TSHZ2: variants seen among roughly 807,000 people sequenced by gnomAD.
TSHZ2 encodes teashirt zinc finger homeobox 2.
Under a neutral mutation model 74.4 loss-of-function variants are expected in TSHZ2, and 21 were observed. That is an observed-to-expected ratio of 0.28 (90% CI 0.20 to 0.41). The LOEUF is 0.41. TSHZ2 is among the 10% of genes least tolerant of loss of function. The pLI is 1.00. For synonymous variants in TSHZ2, 540 were observed against 515.3 expected, an observed-to-expected ratio of 1.05 and a Z score of -0.65; for missense variants, 1,244 against 1,293.5, an observed-to-expected ratio of 0.96 and a Z score of 0.59.
chr20:53,415,824 A>ACACACG (rs1555860961), intron 2 of TSHZ2, among the ~76,000 whole-genome samples: 4 of 116,136 alleles, frequency 3.4e-5, no homozygotes, highest in Non-Finnish European at 4.9e-5. Flanking sequence ...ACACACACGC[A>ACACACG]CACACAGGCA....
At chr20:53,473,624 T>C (rs1287554108) in intron 2 of TSHZ2, among the ~76,000 whole-genome samples, 7 of 150,088 alleles carry the variant, frequency 4.7e-5, no homozygotes, top group Admixed American at 2.0e-4. Flanking sequence ...AGGAACGCAG[T>C]TCCTCACCAG....
In TSHZ2 at chr20:53,255,937, C is replaced by T. The variant is rs141638536; in HGVS notation, c.2479C>T (p.Arg827Cys). The T allele has an allele frequency of 2.2e-5, 36 of 1,614,154 alleles. No individual in the cohort carries two copies. The South Asian group carries it at 2.3e-4, about 10-fold the overall frequency. Residue 827 changes from arginine to cysteine, a missense_variant, in exon 2 of 3, where the codon CGC becomes TGC. Around this residue, in one of 6 missense-constraint regions of TSHZ2, gnomAD observed 562 missense variants for 544.0 expected, o/e 1.03. Coordinates refer to ENST00000371497, the MANE Select transcript of TSHZ2 (RefSeq NM_173485.6). The surrounding 1 kb of genome is among the most constrained non-coding windows in gnomAD (Gnocchi z 4.1). ...PPMKLEMDVR[R>C]FEDVSSEVST... ...CATGAAGCTGGAAATGGATGTCAGGCGCTTTGAGGATGTCTCCAGTGAAGT... is the reference window on the plus strand; with the variant it reads ...CATGAAGCTGGAAATGGATGTCAGGTGCTTTGAGGATGTCTCCAGTGAAGT...
At chr20:53,476,359 G>A (rs1465266672) in intron 2 of TSHZ2, among the ~76,000 whole-genome samples, 6 of 149,806 alleles carry the variant, frequency 4.0e-5, no homozygotes, top group South Asian at 4.3e-4. Flanking sequence ...TTCAATATAG[G>A]CAAATCAATA....
At chr20:53,218,436 A>C (rs1989483349) in intron 1 of TSHZ2, among the ~76,000 whole-genome samples, 1 of 152,252 alleles carries the variant, frequency 6.6e-6, no homozygotes, top group Admixed American at 6.5e-5. Context: ...GATAATCGTA[A>C]TAATAATGTA....
intron 2 of TSHZ2, among the ~76,000 whole-genome samples, chr20:53,303,041 T>C (rs1978375192): frequency 6.6e-6 from 1 of 152,230 alleles, no homozygotes; most frequent in Non-Finnish European, 1.5e-5. Flanking sequence ...TCCAACCACA[T>C]GTACCTTATA....
intron 2 of TSHZ2, among the ~76,000 whole-genome samples, chr20:53,268,796 A>G (rs145307371): frequency 3.3e-4 from 51 of 152,278 alleles, no homozygotes; most frequent in Non-Finnish European, 6.2e-4. Flanking sequence ...CACTTAAATT[A>G]TAGTAGATGC....
At chr20:53,260,132 C>A (rs959685179) in intron 2 of TSHZ2, among the ~76,000 whole-genome samples, 1 of 151,812 alleles carries the variant, frequency 6.6e-6, no homozygotes, top group Non-Finnish European at 1.5e-5. Context: ...ACTGGTTGTG[C>A]TTTTACTATG....
At chr20:53,340,938 G>A (rs563548038) in intron 2 of TSHZ2, among the ~76,000 whole-genome samples, 12 of 152,268 alleles carry the variant, frequency 7.9e-5, no homozygotes, top group African/African-American at 2.9e-4. Context: ...AAAATTGAGC[G>A]CAATTATTCC....
chr20:53,374,904 C>T (rs1981605209), intron 2 of TSHZ2, among the ~76,000 whole-genome samples: 1 of 137,324 alleles, frequency 7.3e-6, no homozygotes, highest in Non-Finnish European at 1.5e-5. Context: ...GGTAGGTTGT[C>T]TGTATACTCT....
intron 1 of TSHZ2, among the ~76,000 whole-genome samples, chr20:53,053,432 T>G (rs1984541141): frequency 6.6e-6 from 1 of 152,142 alleles, no homozygotes; most frequent in Non-Finnish European, 1.5e-5. Context: ...ACAAACAAGG[T>G]CCTCTGTGAA....
At chr20:53,139,291 T>C (rs1166989891) in intron 1 of TSHZ2, among the ~76,000 whole-genome samples, 1 of 152,236 alleles carries the variant, frequency 6.6e-6, no homozygotes, top group African/African-American at 2.4e-5. Context: ...GGGTCTGGTT[T>C]ATAGTAAGTA....
At chr20:53,416,934 G>T (rs1240381241) in intron 2 of TSHZ2, among the ~76,000 whole-genome samples, 1 of 152,194 alleles carries the variant, frequency 6.6e-6, no homozygotes, top group Non-Finnish European at 1.5e-5. Context: ...GATCTCAGGG[G>T]AGCCCCTGAA....
chr20:53,423,131 G>T (rs568318449), intron 2 of TSHZ2, among the ~76,000 whole-genome samples: 1 of 152,198 alleles, frequency 6.6e-6, no homozygotes, highest in Non-Finnish European at 1.5e-5. Flanking sequence ...GGGCGCCGTG[G>T]CTTATGGCTG....
chr20:53,190,489 C>T (rs1755741721), intron 1 of TSHZ2, among the ~76,000 whole-genome samples: 1 of 151,834 alleles, frequency 6.6e-6, no homozygotes, highest in South Asian at 2.1e-4. Flanking sequence ...GTAGAGAGCC[C>T]CAATCCGTGT....
intron 2 of TSHZ2, among the ~76,000 whole-genome samples, chr20:53,363,323 C>A (rs1420824975): frequency 6.6e-6 from 1 of 152,248 alleles, no homozygotes; most frequent in Non-Finnish European, 1.5e-5. Context: ...AGAAGCCCAA[C>A]CTAACGTGGG....
At chr20:53,003,057 G>A (rs1287517628) in intron 1 of TSHZ2, among the ~76,000 whole-genome samples, 1 of 152,030 alleles carries the variant, frequency 6.6e-6, no homozygotes, top group Non-Finnish European at 1.5e-5. Flanking sequence ...CACACTAAAG[G>A]ACAAATACAT....
intron 2 of TSHZ2, among the ~76,000 whole-genome samples, chr20:53,380,156 G>GTC (rs1252154708): frequency 6.9e-6 from 1 of 144,576 alleles, no homozygotes; most frequent in Admixed American, 6.6e-5. Context: ...GTGTGTGTGT[G>GTC]TGTGTGTGCA....
chr20:53,024,124 CAAA>C (rs1176506444), intron 1 of TSHZ2, among the ~76,000 whole-genome samples: 1 of 149,806 alleles, frequency 6.7e-6, no homozygotes, highest in Non-Finnish European at 1.5e-5. Context: ...AGTCAAAAAA[CAAA>C]AAAGCTGTAC....
chr20:53,385,740 T>C (rs951479592), intron 2 of TSHZ2, among the ~76,000 whole-genome samples: 4 of 152,190 alleles, frequency 2.6e-5, no homozygotes, highest in African/African-American at 4.8e-5. Context: ...CAATTTGATT[T>C]AACTCCTTCT....
Sources: allele counts gnomAD v4.1 joint callset (sites outside exome capture counted in the v4.1 genomes callset), GRCh38; gene constraint gnomAD v4.1.1; regional missense constraint gnomAD v4.1.1; non-coding constraint Gnocchi (gnomAD v3.1); transcripts MANE v1.5; gene names NCBI Gene and HGNC (gene_info 2026-07-23, HGNC 2026-07-21).